Variants in CDH13 observed in about 807,000 individuals in gnomAD.
The protein encoded by CDH13 is cadherin 13.
CDH13 carries 24 observed loss-of-function variants against 63.8 expected under a neutral mutation model. That is an observed-to-expected ratio of 0.38 (90% confidence interval 0.27 to 0.53). CDH13 has a LOEUF of 0.53. CDH13 is among the 20% of genes least tolerant of loss of function. CDH13 has a pLI of 0.85. For synonymous variants in CDH13, 503 were observed against 355.3 expected (o/e 1.42, Z -4.67); for missense variants, 1,049 against 903.1 (o/e 1.16, Z -2.07).
intron 6 of CDH13, among the ~76,000 whole-genome samples, chr16:83,362,083 A>T (rs1344917442): frequency 6.6e-6 from 1 of 152,124 alleles, no homozygotes; most frequent in Non-Finnish European, 1.5e-5. Flanking sequence ...CAACTGATTA[A>T]ATAAAAAATT....
intron 10 of CDH13, among the ~76,000 whole-genome samples, chr16:83,695,192 C>G (rs941318373): frequency 6.6e-6 from 1 of 152,060 alleles, no homozygotes; most frequent in Non-Finnish European, 1.5e-5. Flanking sequence ...GGGCAACAGA[C>G]TGAGACTCTG....
At chr16:83,204,964 C>A (rs2039139653) in intron 4 of CDH13, among the ~76,000 whole-genome samples, 1 of 152,340 alleles carries the variant, frequency 6.6e-6, no homozygotes, top group East Asian at 1.9e-4. Context: ...ACTTCACTAG[C>A]TAACGCAAGT....
intron 2 of CDH13, among the ~76,000 whole-genome samples, chr16:82,902,857 C>T (rs1166242794): frequency 6.6e-6 from 1 of 152,146 alleles, no homozygotes; most frequent in African/African-American, 2.4e-5. Flanking sequence ...CCAATATAAA[C>T]TGCCAACAGT....
intron 5 of CDH13, among the ~76,000 whole-genome samples, chr16:83,221,969 G>A (rs1000157993): frequency 2.0e-5 from 3 of 152,170 alleles, no homozygotes; most frequent in African/African-American, 7.2e-5. Flanking sequence ...GGGCTAAACA[G>A]GTTCCCAAGA....
chr16:82,671,011 T>A (rs181029233), intron 1 of CDH13, among the ~76,000 whole-genome samples: 39 of 152,344 alleles, frequency 2.6e-4, no homozygotes, highest in African/African-American at 9.1e-4. Flanking sequence ...CTATGTGTCA[T>A]ACACTATGTC....
intron 10 of CDH13, among the ~76,000 whole-genome samples, chr16:83,709,673 C>T (rs1370038321): frequency 6.6e-6 from 1 of 152,186 alleles, no homozygotes; most frequent in Non-Finnish European, 1.5e-5. Flanking sequence ...TATATTTGTC[C>T]AGAGCTAGTC....
At chr16:82,925,069 C>A (rs1464293454) in intron 2 of CDH13, among the ~76,000 whole-genome samples, 1 of 152,034 alleles carries the variant, frequency 6.6e-6, no homozygotes, top group African/African-American at 2.4e-5. Context: ...TTAAGAGATC[C>A]AAACTTTCCC....
intron 4 of CDH13, among the ~76,000 whole-genome samples, chr16:83,177,686 C>A (rs1329472751): frequency 6.6e-6 from 1 of 152,152 alleles, no homozygotes; most frequent in Non-Finnish European, 1.5e-5. Flanking sequence ...CCTGTCAAGA[C>A]CCACGCCTGT....
At chr16:83,016,493 C>T (rs1321288155) in intron 2 of CDH13, among the ~76,000 whole-genome samples, 1 of 152,156 alleles carries the variant, frequency 6.6e-6, no homozygotes, top group Non-Finnish European at 1.5e-5. Context: ...CAAGGATCTT[C>T]CAGATTACCA....
intron 2 of CDH13, among the ~76,000 whole-genome samples, chr16:82,984,830 C>G (rs939861210): frequency 6.6e-6 from 1 of 152,070 alleles, no homozygotes; most frequent in African/African-American, 2.4e-5. Context: ...AGCACTTAAC[C>G]CAGAGCTTGG....
chr16:83,011,426 C>A (rs1431247147), intron 2 of CDH13, among the ~76,000 whole-genome samples: 1 of 152,124 alleles, frequency 6.6e-6, no homozygotes, highest in African/African-American at 2.4e-5. Context: ...GAAGGTGAGC[C>A]CTCAACTTCT....
chr16:83,483,113 C>G (rs1328137396), intron 6 of CDH13, among the ~76,000 whole-genome samples: 1 of 152,164 alleles, frequency 6.6e-6, no homozygotes, highest in African/African-American at 2.4e-5. Context: ...AATAATGTGG[C>G]CACGGTCACG....
At chr16:83,309,895 A>G (rs2089963471) in intron 5 of CDH13, among the ~76,000 whole-genome samples, 1 of 151,862 alleles carries the variant, frequency 6.6e-6, no homozygotes. Context: ...AGTGATTTAT[A>G]TCCCTGGCAG....
chr16:83,704,715 G>C (rs1906748389), intron 10 of CDH13, among the ~76,000 whole-genome samples: 1 of 152,298 alleles, frequency 6.6e-6, no homozygotes, highest in Admixed American at 6.5e-5. Flanking sequence ...AAAGCCTTCA[G>C]TGCTCATTTT....
chr16:83,775,708 G>A lies in CDH13; in HGVS notation c.1682-4260G>A, dbSNP rs115480790. The stretch of plus-strand genomic sequence containing the variant: ...TGCAGCCTGGGAGACAGAGCGAGAC[G>A]CTCTGTCTCAAAAATAAAAAAAAAG... On this transcript the variant is annotated intron_variant, in intron 11 of 13. Transcript: ENST00000567109. Among the ~76,000 whole-genome samples, 916 of 151,446 alleles carry A rather than the reference G, an allele frequency of 6.0e-3. 13 individuals carry two copies. Among genetic ancestry groups the A allele is most frequent in the African/African-American group, 0.021 (884 of 41,268 alleles).
chr16:82,979,645 C>T lies in CDH13; in HGVS notation c.158-52365C>T, dbSNP rs113984981. On this transcript the variant is annotated intron_variant, in intron 2 of 13. Transcript: ENST00000567109. ...TCATAGTTTCCTGAGGCTTCCCAAGCCGTGCAGAATTGTGAGTCAATTAAA... is the reference window on the plus strand; with the variant it reads ...TCATAGTTTCCTGAGGCTTCCCAAGTCGTGCAGAATTGTGAGTCAATTAAA... 3.9e-3 allele frequency among the ~76,000 whole-genome samples: 591 copies of T among 152,246 alleles called. 2 individuals are homozygous for T. Among genetic ancestry groups the T allele is most frequent in the African/African-American group, 0.014 (568 of 41,538 alleles).
At chr16:82,663,243 A>T (rs138897574) in intron 1 of CDH13, among the ~76,000 whole-genome samples, 1 of 152,048 alleles carries the variant, frequency 6.6e-6, no homozygotes, top group South Asian at 2.1e-4. Context: ...CTGGAGTGCA[A>T]TGGCGCGATC....
At chr16:82,806,176 C>T (rs1257613579) in intron 1 of CDH13, among the ~76,000 whole-genome samples, 2 of 152,190 alleles carry the variant, frequency 1.3e-5, no homozygotes, top group African/African-American at 4.8e-5. Flanking sequence ...TCTTCTCTTG[C>T]TTCCTTGCTG....
intron 4 of CDH13, among the ~76,000 whole-genome samples, chr16:83,134,826 C>T (rs892715368): frequency 6.6e-6 from 1 of 152,094 alleles, no homozygotes; most frequent in African/African-American, 2.4e-5. Context: ...TTGCCAAATA[C>T]ATATATATGC....
Sources: allele counts gnomAD v4.1 joint callset (sites outside exome capture counted in the v4.1 genomes callset), GRCh38; gene constraint gnomAD v4.1.1; transcripts MANE v1.5; gene names NCBI Gene and HGNC (gene_info 2026-07-23, HGNC 2026-07-21).